MED12L: variants seen among roughly 807,000 people sequenced by gnomAD.
The protein encoded by MED12L is mediator of RNA polymerase II transcription subunit 12-like protein.
MED12L carries 60 observed loss-of-function variants against 281.3 expected under a neutral mutation model. That is an observed-to-expected ratio of 0.21 (90% CI 0.17 to 0.26). MED12L has a LOEUF of 0.26. Ranked by LOEUF, MED12L falls within the 10% of genes least tolerant of loss-of-function variation. The probability of loss-of-function intolerance (pLI) is 1.00; values close to 1 mark genes in which losing one functional copy is unlikely to be tolerated. For missense variants in MED12L, 2,146 were observed against 2,680.9 expected (o/e 0.80, Z 4.41); for synonymous variants, 974 against 987.2 (o/e 0.99, Z 0.25).
rs763127119 is a variant in MED12L, at chr3:151,165,449, A to C, written c.1287A>C (p.Gln429His). ...QVRARIYEVE[Q>H]QIKQRGRAVE... ...GGGCAAGGATTTATGAAGTAGAACAACAGATAAAACAAAGAGGCCGTGCAG... is the reference window on the plus strand; with the variant it reads ...GGGCAAGGATTTATGAAGTAGAACACCAGATAAAACAAAGAGGCCGTGCAG... The change falls in exon 10 of 45, where the codon CAA becomes CAC. Residue 429 changes from glutamine (Q) to histidine (H), a missense_variant. This residue lies in a region of MED12L where 722 missense variants were observed against 861.2 expected (regional missense o/e 0.84). Transcript: ENST00000687756. 1 of 1,614,110 alleles carries C rather than the reference A, an allele frequency of 6.2e-7. No individual in the cohort carries two copies. The highest frequency in any genetic ancestry group is 1.7e-5 in the Admixed American group (1 of 60,022).
chr3:151,098,517 C>T (rs1235861283), intron 2 of MED12L, among the ~76,000 whole-genome samples: 1 of 152,144 alleles, frequency 6.6e-6, no homozygotes. Context: ...TGTGGTGGCT[C>T]CAGGTGTTTG....
intron 16 of MED12L, among the ~76,000 whole-genome samples, chr3:151,333,939 A>T (rs540452987): frequency 7.1e-4 from 108 of 151,148 alleles, no homozygotes; most frequent in African/African-American, 2.5e-3. Flanking sequence ...TTAGCCAGGC[A>T]TGGTGGCAGG....
At chr3:151,333,902 A>AC (rs1560040457) in intron 16 of MED12L, among the ~76,000 whole-genome samples, 1 of 151,294 alleles carries the variant, frequency 6.6e-6, no homozygotes, top group Non-Finnish European at 1.5e-5. Context: ...AGATGGTGAA[A>AC]CCCCGTCTCT....
rs180979372 is a variant in MED12L, at chr3:151,420,583, C to T, written c.6408+4161C>T. ...CTATATATTGGATACTGATTAAGAG[C>T]ATACACGGCCTTCTGGAGAACTTTG... On this transcript the variant is annotated intron_variant, in intron 43 of 44. Coordinates refer to ENST00000687756, the MANE Select transcript of MED12L (RefSeq NM_001393769.1). Among the ~76,000 whole-genome samples, 3 of 152,276 alleles carry T rather than the reference C, an allele frequency of 2.0e-5. No individual in the cohort carries two copies. The East Asian group carries it at 5.8e-4, about 29-fold the overall frequency.
At chr3:151,130,829 A>T (rs1715283904) in intron 5 of MED12L, among the ~76,000 whole-genome samples, 1 of 152,088 alleles carries the variant, frequency 6.6e-6, no homozygotes, top group South Asian at 2.1e-4. Context: ...ATTGTTCTTA[A>T]CACCATCTGA....
At chr3:151,199,512 T>G in intron 16 of MED12L, 1 of 774,282 alleles carries the variant, frequency 1.3e-6, no homozygotes, top group South Asian at 1.9e-5. Context: ...ACATTGGTCT[T>G]CACAATACCG....
At chr3:151,414,073 A>G (rs1253994757) in intron 42 of MED12L, among the ~76,000 whole-genome samples, 1 of 152,030 alleles carries the variant, frequency 6.6e-6, no homozygotes, top group African/African-American at 2.4e-5. Flanking sequence ...GCTGGTCTCA[A>G]ACTCCTGACC....
At chr3:151,215,070 G>A (rs1019155125) in intron 16 of MED12L, among the ~76,000 whole-genome samples, 2 of 151,354 alleles carry the variant, frequency 1.3e-5, no homozygotes, top group East Asian at 1.9e-4. Flanking sequence ...AATGTTAACC[G>A]GTATTTTTGG....
chr3:151,198,576 G>GT, intron 16 of MED12L: 1 of 1,614,072 alleles, frequency 6.2e-7, no homozygotes, highest in Non-Finnish European at 8.5e-7. Context: ...GCCAGGAGCA[G>GT]TGTAGCCTCT....
chr3:151,366,311 G>C (rs1020396351), intron 23 of MED12L, among the ~76,000 whole-genome samples: 1 of 152,100 alleles, frequency 6.6e-6, no homozygotes, highest in Non-Finnish European at 1.5e-5. Flanking sequence ...TTTACCAACT[G>C]CCCTGGATTC....
rs1427203448 is a variant in MED12L, at chr3:151,335,899, A to G, written c.2251-14160A>G. 2.0e-5 allele frequency among the ~76,000 whole-genome samples: 3 copies of G among 152,202 alleles called. No individual in the cohort carries two copies. In the East Asian group the frequency reaches 5.8e-4, roughly 29 times the overall value. On this transcript the variant is annotated intron_variant, in intron 16 of 44. Transcript: ENST00000687756. ...TCAGTTACTTTTACTAAAATACCAT[A>G]TTACTATTAGCATTTCTGTTTATTT...
chr3:151,175,861 G>T (rs1345245105), intron 11 of MED12L, among the ~76,000 whole-genome samples: 1 of 152,114 alleles, frequency 6.6e-6, no homozygotes, highest in African/African-American at 2.4e-5. Flanking sequence ...ATGATTATTT[G>T]CTACATAATT....
At position 151,294,753 on chromosome 3, in the gene MED12L, C is replaced by T. The variant is rs114483579; in HGVS notation, c.2251-55306C>T. 3.9e-3 allele frequency: 6,339 copies of T among 1,614,134 alleles called. 16 individuals are homozygous for T. The highest frequency in any genetic ancestry group is 4.9e-3 in the Non-Finnish European group (5,786 of 1,179,982). ...GACAAAACAGCCATGATCACCCAAA[C>T]ACAAACAGATAAAACCTTCGTGAAG... On this transcript the variant is annotated intron_variant, in intron 16 of 44. Transcript: ENST00000687756.
chr3:151,317,601 C>T (rs1201684936), intron 16 of MED12L, among the ~76,000 whole-genome samples: 1 of 151,396 alleles, frequency 6.6e-6, no homozygotes, highest in Non-Finnish European at 1.5e-5. Flanking sequence ...CAGGTGCCCA[C>T]GACTACACCC....
At chr3:151,372,466 T>A (rs563961102) in intron 26 of MED12L, 101 bp from the exon 27 acceptor site, 45 of 805,374 alleles carry the variant, frequency 5.6e-5, no homozygotes, top group Non-Finnish European at 9.4e-5. Context: ...ATAATACTGT[T>A]CATATATTTT....
intron 16 of MED12L, among the ~76,000 whole-genome samples, chr3:151,346,920 AT>A (rs1752618778): frequency 6.6e-6 from 1 of 152,148 alleles, no homozygotes. Flanking sequence ...TAATGTATTA[AT>A]TTTTTATACA....
chr3:151,428,328 A>G (rs576957475), intron 43 of MED12L, among the ~76,000 whole-genome samples: 12 of 152,328 alleles, frequency 7.9e-5, no homozygotes, highest in African/African-American at 2.9e-4. Flanking sequence ...GAATACTAAC[A>G]TTTCCATATA....
chr3:151,269,702 A>C (rs1301241338), intron 16 of MED12L: 1 of 418,776 alleles, frequency 2.4e-6, no homozygotes, highest in African/African-American at 2.1e-5. Flanking sequence ...TTTTATTTTG[A>C]TGAAAATCTT....
intron 16 of MED12L, chr3:151,198,491 G>A: frequency 1.2e-6 from 2 of 1,613,330 alleles, no homozygotes; most frequent in Non-Finnish European, 1.7e-6. Flanking sequence ...TGAGGCAAAA[G>A]TCTCAGTGAC....
Sources: allele counts gnomAD v4.1 joint callset (sites outside exome capture counted in the v4.1 genomes callset), GRCh38; gene constraint gnomAD v4.1.1; regional missense constraint gnomAD v4.1.1; transcripts MANE v1.5; gene names NCBI Gene and HGNC (gene_info 2026-07-23, HGNC 2026-07-21).